The following EXOC6B variants were observed in gnomAD, a reference collection of about 807,000 sequenced individuals.
EXOC6B encodes exocyst complex component 6B.
A neutral mutation model predicts 113.5 loss-of-function variants in EXOC6B; 54 were observed. That is an observed-to-expected ratio of 0.48 (90% CI 0.38 to 0.60). The LOEUF is 0.60. Ranked by LOEUF, EXOC6B falls within the 20% of genes least tolerant of loss-of-function variation. The pLI, the probability that EXOC6B is intolerant of heterozygous loss-of-function variation, is 0.00. For synonymous variants in EXOC6B, 357 were observed against 339.0 expected, an observed-to-expected ratio of 1.05 and a Z score of -0.58; for missense variants, 797 against 977.5, an observed-to-expected ratio of 0.82 and a Z score of 2.46.
intron 6 of EXOC6B, among the ~76,000 whole-genome samples, chr2:72,654,094 C>T (rs565807800): frequency 1.3e-5 from 2 of 152,074 alleles, no homozygotes; most frequent in East Asian, 1.9e-4. Flanking sequence ...CTCAGCCTCC[C>T]GAGTAGCTGG....
chr2:72,811,059 G>T (rs984749372), intron 1 of EXOC6B, among the ~76,000 whole-genome samples: 3 of 151,958 alleles, frequency 2.0e-5, no homozygotes, highest in African/African-American at 7.3e-5. Flanking sequence ...TAGACCAGGT[G>T]GGGTGGCTCA....
At chr2:72,752,272 C>T (rs1054094108) in intron 1 of EXOC6B, among the ~76,000 whole-genome samples, 1 of 152,020 alleles carries the variant, frequency 6.6e-6, no homozygotes, top group African/African-American at 2.4e-5. Context: ...CTCTGTCTAC[C>T]CTGATATTTG....
chr2:72,637,513 G>A (rs527814313), intron 6 of EXOC6B, among the ~76,000 whole-genome samples: 1 of 141,898 alleles, frequency 7.0e-6, no homozygotes, highest in Non-Finnish European at 1.6e-5. Flanking sequence ...GTCTGGCCAG[G>A]TGCAGTGGCT....
intron 6 of EXOC6B, among the ~76,000 whole-genome samples, chr2:72,600,441 CAAAAAAAAAAA>C (rs57908608): frequency 2.3e-5 from 2 of 87,474 alleles, no homozygotes; most frequent in Admixed American, 1.2e-4. Flanking sequence ...GACCTTATCT[CAAAAAAAAAAA>C]AAAAAAAAAA....
intron 20 of EXOC6B, among the ~76,000 whole-genome samples, chr2:72,283,632 A>T (rs1685258439): frequency 6.6e-6 from 1 of 152,128 alleles, no homozygotes; most frequent in Non-Finnish European, 1.5e-5. Flanking sequence ...CACAGTAAAT[A>T]TCAGAAAAAA....
At chr2:72,215,233 G>C (rs1680447199) in intron 20 of EXOC6B, among the ~76,000 whole-genome samples, 1 of 152,092 alleles carries the variant, frequency 6.6e-6, no homozygotes. Context: ...CTGTTTCATG[G>C]TTCTCCTTTG....
At chr2:72,755,392 T>C (rs1682347060) in intron 1 of EXOC6B, among the ~76,000 whole-genome samples, 1 of 152,158 alleles carries the variant, frequency 6.6e-6, no homozygotes, top group Admixed American at 6.5e-5. Context: ...CTATCTCCCC[T>C]ATAAGACCAT....
At chr2:72,252,469 T>C (rs893720720) in intron 20 of EXOC6B, among the ~76,000 whole-genome samples, 1 of 151,990 alleles carries the variant, frequency 6.6e-6, no homozygotes, top group African/African-American at 2.4e-5. Context: ...TGAGACTCTG[T>C]CACAAAAAAC....
chr2:72,294,310 C>A (rs1298501714), intron 20 of EXOC6B, among the ~76,000 whole-genome samples: 1 of 151,952 alleles, frequency 6.6e-6, no homozygotes, highest in Non-Finnish European at 1.5e-5. Flanking sequence ...TTATTATAAT[C>A]ATTCTACTCT....
At chr2:72,355,591 C>T (rs1369454313) in intron 19 of EXOC6B, among the ~76,000 whole-genome samples, 1 of 152,186 alleles carries the variant, frequency 6.6e-6, no homozygotes, top group Non-Finnish European at 1.5e-5. Flanking sequence ...ATGTGCAGTG[C>T]ACTGCAAATT....
chr2:72,503,253 G>A (rs1248422413), intron 11 of EXOC6B, among the ~76,000 whole-genome samples: 1 of 152,078 alleles, frequency 6.6e-6, no homozygotes, highest in East Asian at 1.9e-4. Flanking sequence ...TATATTCTAT[G>A]GGACTTAACA....
intron 18 of EXOC6B, among the ~76,000 whole-genome samples, chr2:72,423,939 G>A (rs903786422): frequency 6.6e-6 from 1 of 152,202 alleles, no homozygotes; most frequent in Non-Finnish European, 1.5e-5. Flanking sequence ...TTCCTGGAAT[G>A]AGCCTCATTT....
intron 8 of EXOC6B, among the ~76,000 whole-genome samples, chr2:72,539,075 G>A (rs1039461626): frequency 2.0e-5 from 3 of 152,038 alleles, no homozygotes; most frequent in African/African-American, 7.3e-5. Context: ...TAACTCACTA[G>A]AACACAGCAG....
intron 8 of EXOC6B, among the ~76,000 whole-genome samples, chr2:72,517,634 TTC>T (rs910769076): frequency 2.0e-5 from 3 of 152,176 alleles, no homozygotes; most frequent in Non-Finnish European, 4.4e-5. Flanking sequence ...CTTAATTACA[TTC>T]TGTATACACT....
chr2:72,787,441 C>G (rs1684438964), intron 1 of EXOC6B, among the ~76,000 whole-genome samples: 2 of 152,008 alleles, frequency 1.3e-5, no homozygotes, highest in South Asian at 4.1e-4. Flanking sequence ...CTCAAATGAT[C>G]CGCCTGCCTT....
chr2:72,584,781 GA>G (rs1428138877), intron 6 of EXOC6B, among the ~76,000 whole-genome samples: 4 of 151,802 alleles, frequency 2.6e-5, no homozygotes, highest in Admixed American at 1.3e-4. Flanking sequence ...CAAATTAAAA[GA>G]AAAAAAATTG....
intron 8 of EXOC6B, among the ~76,000 whole-genome samples, chr2:72,529,277 A>G (rs533860900): frequency 6.6e-6 from 1 of 152,300 alleles, no homozygotes; most frequent in African/African-American, 2.4e-5. Flanking sequence ...GCATCAAATG[A>G]TATGATCATG....
At chr2:72,757,874 A>G (rs1682518817) in intron 1 of EXOC6B, among the ~76,000 whole-genome samples, 1 of 152,108 alleles carries the variant, frequency 6.6e-6, no homozygotes, top group African/African-American at 2.4e-5. Flanking sequence ...TAAAACATAC[A>G]TATGGGCCAG....
intron 6 of EXOC6B, among the ~76,000 whole-genome samples, chr2:72,630,348 G>T (rs1283820781): frequency 6.6e-6 from 1 of 152,062 alleles, no homozygotes; most frequent in African/African-American, 2.4e-5. Flanking sequence ...AAACATCCAG[G>T]TTGTCAATAT....
Sources: allele counts gnomAD v4.1 joint callset (sites outside exome capture counted in the v4.1 genomes callset), GRCh38; gene constraint gnomAD v4.1.1; transcripts MANE v1.5; gene names NCBI Gene and HGNC (gene_info 2026-07-23, HGNC 2026-07-21).